The following XRCC6 variants were observed in gnomAD, a reference collection of about 807,000 sequenced individuals.
XRCC6 encodes the protein X-ray repair cross complementing 6.
XRCC6 carries 5 observed loss-of-function variants against 65.7 expected under a neutral mutation model. The observed-to-expected ratio is 0.08, with a 90% CI of 0.04 to 0.16. XRCC6 has a LOEUF of 0.16. XRCC6 is among the 10% of genes least tolerant of loss of function. The probability of loss-of-function intolerance (pLI) is 1.00; values close to 1 mark genes in which losing one functional copy is unlikely to be tolerated. For synonymous variants in XRCC6, 270 were observed against 270.6 expected (o/e 1.00, Z 0.02); for missense variants, 447 against 738.1 (o/e 0.61, Z 4.57).
intron 12 of XRCC6, 93 bp downstream of exon 12, chr22:41,661,537 A>G (rs1202282069): frequency 3.7e-6 from 4 of 1,068,082 alleles, no homozygotes; most frequent in Non-Finnish European, 4.1e-6. Flanking sequence ...AGAAATATCT[A>G]TTCACAGTCT....
intron 8 of XRCC6, among the ~76,000 whole-genome samples, chr22:41,652,396 C>T: frequency 6.7e-6 from 1 of 149,424 alleles, no homozygotes; most frequent in East Asian, 2.0e-4. Context: ...GACAGTGTCT[C>T]ACTCTGTCAC....
intron 7 of XRCC6, among the ~76,000 whole-genome samples, chr22:41,647,581 C>CAAA (rs34674929): frequency 2.2e-5 from 3 of 134,236 alleles, no homozygotes; most frequent in South Asian, 2.5e-4. Flanking sequence ...AACTCCGTCT[C>CAAA]AAAAAAAAAA....
At chr22:41,621,820 C>A (rs1273510575) in intron 1 of XRCC6, 170 bp from the exon 2 acceptor site, 3 of 608,782 alleles carry the variant, frequency 4.9e-6, no homozygotes, top group Non-Finnish European at 8.6e-6. Context: ...GGGATGGCCC[C>A]CATGCGCATT....
At chr22:41,624,997 AAAAAT>A (rs998055544) in intron 2 of XRCC6, among the ~76,000 whole-genome samples, 119 of 152,238 alleles carry the variant, frequency 7.8e-4, no homozygotes, top group African/African-American at 2.3e-3. Flanking sequence ...ACTCCGTCTC[AAAAAT>A]AAAATAAAAT....
intron 7 of XRCC6, among the ~76,000 whole-genome samples, chr22:41,649,139 A>AAAAATATATATATAT: frequency 1.1e-5 from 1 of 88,736 alleles, no homozygotes; most frequent in Admixed American, 1.7e-4. Flanking sequence ...AAAAAAAAAA[A>AAAAATATATATATAT]ATATATATAT....
chr22:41,625,133 CTG>C (rs2067655771), intron 2 of XRCC6, among the ~76,000 whole-genome samples: 1 of 152,030 alleles, frequency 6.6e-6, no homozygotes, highest in Admixed American at 6.6e-5. Context: ...TGGTGAGATC[CTG>C]TCTCTACTAA....
At position 41,649,160 on chromosome 22, in the gene XRCC6, A is replaced by ATATATATATG. The variant is rs1376197191; in HGVS notation, c.961-1560_961-1559insATATATGTAT. ...AAAAAATATATATATATATATATAT[A>ATATATATATG]TATGTATGTATGTGTGTGTGTATAT... On this transcript the variant is annotated intron_variant, in intron 7 of 12. Transcript: ENST00000360079. Among the ~76,000 whole-genome samples, 246 of 125,766 alleles carry ATATATATATG rather than the reference A, an allele frequency of 2.0e-3. 2 individuals are homozygous for ATATATATATG. The highest frequency in any genetic ancestry group is 0.011 in the Middle Eastern group (3 of 270). 82.5% of individuals were successfully genotyped at this position (125,766 alleles called of 152,430 possible). A position where few individuals can be genotyped will look rare whatever the true frequency, so the allele number is the denominator to read the frequency against.
intron 3 of XRCC6, among the ~76,000 whole-genome samples, chr22:41,628,940 TGG>T (rs2067708416): frequency 8.8e-6 from 1 of 113,462 alleles, no homozygotes; most frequent in Non-Finnish European, 1.6e-5. Context: ...CACTCCAGCT[TGG>T]GCAACAGAGT....
At chr22:41,632,854 C>T (rs965936454) in intron 3 of XRCC6, among the ~76,000 whole-genome samples, 1 of 147,944 alleles carries the variant, frequency 6.8e-6, no homozygotes, top group Non-Finnish European at 1.5e-5. Context: ...AAAGGCTGGG[C>T]GCGGTGGCTC....
chr22:41,626,881 CCG>C (rs1261291267), intron 2 of XRCC6, among the ~76,000 whole-genome samples: 1 of 151,902 alleles, frequency 6.6e-6, no homozygotes, highest in African/African-American at 2.4e-5. Flanking sequence ...ACCTCGTGAT[CCG>C]CGCGCCTCGG....
chr22:41,628,589 A>G (rs2067704744), intron 3 of XRCC6, among the ~76,000 whole-genome samples: 1 of 152,194 alleles, frequency 6.6e-6, no homozygotes, highest in South Asian at 2.1e-4. Context: ...AGTGAGTGAT[A>G]CTTGGGAGTT....
chr22:41,635,380 T>C (rs2067798416), intron 3 of XRCC6, among the ~76,000 whole-genome samples: 1 of 152,130 alleles, frequency 6.6e-6, no homozygotes, highest in Admixed American at 6.5e-5. Flanking sequence ...ACTGTGTATA[T>C]AAACTCTGTT....
intron 12 of XRCC6, 71 bp downstream of exon 12, chr22:41,661,515 C>A (rs552607445): frequency 5.1e-5 from 64 of 1,263,136 alleles, no homozygotes; most frequent in Admixed American, 2.7e-4. Flanking sequence ...TCACAGTGGG[C>A]AATATCCTTT....
chr22:41,628,859 G>C (rs766273467), intron 3 of XRCC6, among the ~76,000 whole-genome samples: 1 of 151,352 alleles, frequency 6.6e-6, no homozygotes, highest in Non-Finnish European at 1.5e-5. Flanking sequence ...CCAGGTACTC[G>C]GGAGGCTGAG....
intron 3 of XRCC6, among the ~76,000 whole-genome samples, chr22:41,634,173 G>T (rs2147079683): frequency 6.6e-6 from 1 of 151,882 alleles, no homozygotes; most frequent in East Asian, 1.9e-4. Flanking sequence ...AGCTTTGCAG[G>T]TTCCAAAACT....
chr22:41,633,989 A>G (rs2067784025), intron 3 of XRCC6, among the ~76,000 whole-genome samples: 1 of 152,206 alleles, frequency 6.6e-6, no homozygotes, highest in Non-Finnish European at 1.5e-5. Flanking sequence ...AAAAGTTTGT[A>G]GACTCCTCAG....
chr22:41,649,583 G>A (rs942293595), intron 7 of XRCC6, among the ~76,000 whole-genome samples: 50 of 152,004 alleles, frequency 3.3e-4, no homozygotes, highest in African/African-American at 1.1e-3. Flanking sequence ...GGCCGGGTGC[G>A]GTGGCTCACG....
At chr22:41,633,747 C>T (rs1477528209) in intron 3 of XRCC6, among the ~76,000 whole-genome samples, 3 of 152,132 alleles carry the variant, frequency 2.0e-5, no homozygotes, top group African/African-American at 7.2e-5. Context: ...ATAGTACTCA[C>T]AATTCTACCT....
At chr22:41,654,058 C>T (rs2068024246) in intron 9 of XRCC6, among the ~76,000 whole-genome samples, 1 of 152,074 alleles carries the variant, frequency 6.6e-6, no homozygotes, top group Admixed American at 6.6e-5. Context: ...CTATACAAAC[C>T]AACCATGGGG....
Sources: allele counts gnomAD v4.1 joint callset (sites outside exome capture counted in the v4.1 genomes callset), GRCh38; gene constraint gnomAD v4.1.1; transcripts MANE v1.5; gene names NCBI Gene and HGNC (gene_info 2026-07-23, HGNC 2026-07-21).